The following SHANK2 variants were observed in gnomAD, a reference collection of about 807,000 sequenced individuals.
SHANK2 encodes the protein SH3 and multiple ankyrin repeat domains protein 2.
SHANK2 carries 43 observed loss-of-function variants against 133.7 expected under a neutral mutation model. The ratio of observed to expected loss-of-function variants is 0.32; its 90% CI spans 0.25 to 0.41. The LOEUF (loss-of-function observed/expected upper bound fraction) is 0.41, where lower values mean the gene tolerates loss of function less well. Ranked by LOEUF, SHANK2 falls within the 10% of genes least tolerant of loss-of-function variation. The pLI is 1.00. For missense variants in SHANK2, 1,994 were observed against 2,235.8 expected (o/e 0.89, Z 2.18); for synonymous variants, 1,017 against 952.8 (o/e 1.07, Z -1.24).
rs545401803 is a variant in SHANK2 at position 71,168,182 on chromosome 11, G to C, written c.-12-20844C>G. Among the ~76,000 whole-genome samples, 245 of 119,906 alleles carry C rather than the reference G, an allele frequency of 2.0e-3. 55 individuals are homozygous for C. Among genetic ancestry groups the C allele is most frequent in the African/African-American group, 9.0e-3 (227 of 25,280 alleles). The allele number at this position is 119,906 out of a possible 152,430, so 78.7% of individuals were successfully genotyped here. A position where few individuals can be genotyped will look rare whatever the true frequency, so the allele number is the denominator to read the frequency against. On this transcript the variant is annotated intron_variant, in intron 2 of 25. Transcript: ENST00000601538. ...CGGGCAGAGACGCTCCTCACATCCCGCACGGGGCGGCAGGGCAGAGGTGCT... is the reference window on the plus strand; with the variant it reads ...CGGGCAGAGACGCTCCTCACATCCCCCACGGGGCGGCAGGGCAGAGGTGCT...
intron 14 of SHANK2, among the ~76,000 whole-genome samples, chr11:70,738,014 C>T (rs1313717068): frequency 6.6e-6 from 1 of 152,248 alleles, no homozygotes; most frequent in African/African-American, 2.4e-5. Flanking sequence ...AGCCGGGTGC[C>T]GGGCTCGGCA....
chr11:70,858,382 C>T (rs1949203215), intron 11 of SHANK2, among the ~76,000 whole-genome samples: 1 of 152,236 alleles, frequency 6.6e-6, no homozygotes, highest in Admixed American at 6.5e-5. Context: ...GCAGGCATGG[C>T]AGTGTGCCAT....
intron 14 of SHANK2, among the ~76,000 whole-genome samples, chr11:70,740,450 T>A (rs1591803038): frequency 6.6e-6 from 1 of 152,210 alleles, no homozygotes; most frequent in East Asian, 1.9e-4. Context: ...CCACCCACCC[T>A]CCACCTTGAG....
intron 17 of SHANK2, among the ~76,000 whole-genome samples, chr11:70,610,630 T>C (rs1565177023): frequency 6.6e-6 from 1 of 152,214 alleles, no homozygotes; most frequent in Non-Finnish European, 1.5e-5. Context: ...TTTATATTAA[T>C]GAAAGCCAGC....
intron 15 of SHANK2, among the ~76,000 whole-genome samples, chr11:70,679,852 C>T (rs1555018009): frequency 6.6e-6 from 1 of 152,228 alleles, no homozygotes. Flanking sequence ...CCTGGACGTC[C>T]ACCTGCCAAC....
rs189246831 is a variant in SHANK2 at position 70,531,665 on chromosome 11, G to A, written c.2062-28734C>T. Among the ~76,000 whole-genome samples, 4 of 152,334 alleles carry A rather than the reference G, an allele frequency of 2.6e-5. No individual in the cohort carries two copies. The East Asian group carries it at 7.7e-4, about 29-fold the overall frequency. ...ATTTTGCTGCGCCTCTGCGTCCTAG[G>A]AGTGGGGATAAGCAGCACCTCGGGG... On this transcript the variant is annotated intron_variant, in intron 17 of 25. Coordinates refer to ENST00000601538, the MANE Select transcript of SHANK2 (RefSeq NM_012309.5).
chr11:71,133,239 T>G (rs1555104007), intron 3 of SHANK2, among the ~76,000 whole-genome samples: 1 of 122,870 alleles, frequency 8.1e-6, no homozygotes, highest in Non-Finnish European at 1.8e-5. Context: ...CACAGATGAA[T>G]GGATGGATGG....
At chr11:71,121,973 G>A (rs1952091258) in intron 3 of SHANK2, among the ~76,000 whole-genome samples, 1 of 152,114 alleles carries the variant, frequency 6.6e-6, no homozygotes, top group African/African-American at 2.4e-5. Flanking sequence ...TTAGAATGGC[G>A]ATCATTAAAA....
intron 14 of SHANK2, among the ~76,000 whole-genome samples, chr11:70,782,017 A>G (rs1198517408): frequency 1.3e-5 from 2 of 152,082 alleles, no homozygotes; most frequent in Non-Finnish European, 2.9e-5. Context: ...CAAGGACAAA[A>G]AACCAAACAC....
At chr11:70,919,714 A>T (rs1950321192) in intron 10 of SHANK2, among the ~76,000 whole-genome samples, 1 of 152,136 alleles carries the variant, frequency 6.6e-6, no homozygotes, top group Non-Finnish European at 1.5e-5. Context: ...TCTCAGCGAA[A>T]TTGTGTATCC....
At chr11:70,701,164 A>G (rs916164269) in intron 14 of SHANK2, among the ~76,000 whole-genome samples, 3 of 150,544 alleles carry the variant, frequency 2.0e-5, no homozygotes, top group Admixed American at 6.7e-5. Context: ...GTGTGTGTGT[A>G]CGCGTGTGTG....
At chr11:71,119,949 TAC>T (rs1253838017) in intron 3 of SHANK2, among the ~76,000 whole-genome samples, 1 of 152,182 alleles carries the variant, frequency 6.6e-6, no homozygotes, top group Non-Finnish European at 1.5e-5. Context: ...AAAGTTTTCA[TAC>T]TACCTACGCT....
At chr11:70,843,470 T>C (rs185228259) in intron 11 of SHANK2, among the ~76,000 whole-genome samples, 9 of 152,030 alleles carry the variant, frequency 5.9e-5, no homozygotes, top group East Asian at 1.9e-4. Context: ...TGGGACTGCA[T>C]GTGAAGCAGA....
At chr11:71,182,627 G>A (rs1361590831) in intron 2 of SHANK2, among the ~76,000 whole-genome samples, 1 of 152,164 alleles carries the variant, frequency 6.6e-6, no homozygotes, top group East Asian at 1.9e-4. Flanking sequence ...AAGGATGCCA[G>A]TCATTCTAGA....
At chr11:70,575,076 G>T (rs2060098880) in intron 17 of SHANK2, among the ~76,000 whole-genome samples, 1 of 152,112 alleles carries the variant, frequency 6.6e-6, no homozygotes, top group Admixed American at 6.5e-5. Context: ...CTGATCCTCT[G>T]CGGTGCATTC....
intron 10 of SHANK2, chr11:70,942,786 C>T (rs187142424): frequency 9.0e-5 from 41 of 456,590 alleles, no homozygotes; most frequent in African/African-American, 5.8e-4. Context: ...TAACTCTGCA[C>T]CAAGCTGTAC....
intron 5 of SHANK2, among the ~76,000 whole-genome samples, chr11:71,110,499 G>A (rs1272740712): frequency 6.6e-6 from 1 of 152,158 alleles, no homozygotes; most frequent in Non-Finnish European, 1.5e-5. Context: ...CAGCTACTTG[G>A]GAGGCTGAGG....
intron 14 of SHANK2, among the ~76,000 whole-genome samples, chr11:70,735,026 C>T (rs539437257): frequency 6.6e-6 from 1 of 152,344 alleles, no homozygotes; most frequent in East Asian, 1.9e-4. Flanking sequence ...TCTGTGAGGC[C>T]AGTCCCGTGT....
intron 17 of SHANK2, among the ~76,000 whole-genome samples, chr11:70,577,548 C>T (rs1021062189): frequency 1.3e-5 from 2 of 152,252 alleles, no homozygotes; most frequent in African/African-American, 4.8e-5. Flanking sequence ...CCCAGGCCCA[C>T]AGGCACTGCT....
Sources: allele counts gnomAD v4.1 joint callset (sites outside exome capture counted in the v4.1 genomes callset), GRCh38; gene constraint gnomAD v4.1.1; transcripts MANE v1.5; gene names NCBI Gene and HGNC (gene_info 2026-07-23, HGNC 2026-07-21).